The following CAPS2 variants were observed in gnomAD, a reference collection of about 807,000 sequenced individuals.
CAPS2 encodes the protein calcyphosin-2.
CAPS2 carries 98 observed loss-of-function variants against 86.5 expected under a neutral mutation model. The ratio of observed to expected loss-of-function variants is 1.13; its 90% CI spans 0.96 to 1.34. CAPS2 has a LOEUF of 1.34. CAPS2 is among the 40% of genes most tolerant of loss of function. CAPS2 has a pLI of 0.00. For missense variants in CAPS2, 729 were observed against 686.8 expected (o/e 1.06, Z -0.69); for synonymous variants, 210 against 225.1 (o/e 0.93, Z 0.60).
chr12:75,355,637 CA>C (rs1450004544), intron 1 of CAPS2, among the ~76,000 whole-genome samples: 1 of 152,060 alleles, frequency 6.6e-6, no homozygotes, highest in Non-Finnish European at 1.5e-5. Context: ...GGTATATACC[CA>C]AAAAATATAA....
chr12:75,335,149 AG>A (rs2041637323), intron 1 of CAPS2, among the ~76,000 whole-genome samples: 1 of 152,134 alleles, frequency 6.6e-6, no homozygotes, highest in Admixed American at 6.5e-5. Context: ...AGTGTTTGGA[AG>A]TTGCTTTGTT....
exon 17 of CAPS2, chr12:75,277,236 A>C (rs1380192510): frequency 1.0e-6 from 1 of 968,468 alleles, no homozygotes; most frequent in Non-Finnish European, 1.2e-6. Flanking sequence ...ACAGTATAAC[A>C]GACTATACAT....
chr12:75,341,304 A>C (rs1380101897), intron 1 of CAPS2, among the ~76,000 whole-genome samples: 1 of 152,226 alleles, frequency 6.6e-6, no homozygotes, highest in Non-Finnish European at 1.5e-5. Flanking sequence ...ATACCATGGA[A>C]TATGACTTGG....
upstream of CAPS2, chr12:75,326,594 T>A (rs2040809499): frequency 1.4e-6 from 1 of 734,084 alleles, no homozygotes; most frequent in Admixed American, 2.3e-5. Context: ...GTCATACAAA[T>A]TACCTAACAA....
intron 1 of CAPS2, among the ~76,000 whole-genome samples, chr12:75,371,723 A>G (rs1306607253): frequency 6.6e-6 from 1 of 152,240 alleles, no homozygotes; most frequent in African/African-American, 2.4e-5. Flanking sequence ...CTTATGTCAC[A>G]TGATAAAGGA....
At chr12:75,313,480 C>T (rs893500850) in intron 6 of CAPS2, among the ~76,000 whole-genome samples, 1 of 152,180 alleles carries the variant, frequency 6.6e-6, no homozygotes, top group African/African-American at 2.4e-5. Context: ...AAACTTTTCT[C>T]AATTACTAGC....
At chr12:75,341,620 G>A (rs573880790) in intron 1 of CAPS2, among the ~76,000 whole-genome samples, 3 of 151,392 alleles carry the variant, frequency 2.0e-5, no homozygotes, top group Non-Finnish European at 4.4e-5. Context: ...AGAATTTTTT[G>A]TATTTTTAGT....
chr12:75,368,035 T>C (rs1271704011), intron 1 of CAPS2, among the ~76,000 whole-genome samples: 1 of 152,142 alleles, frequency 6.6e-6, no homozygotes, highest in Non-Finnish European at 1.5e-5. Flanking sequence ...CTGCATCTCT[T>C]GAAATAATGC....
chr12:75,344,739 T>C (rs2042338633), intron 1 of CAPS2, among the ~76,000 whole-genome samples: 1 of 152,180 alleles, frequency 6.6e-6, no homozygotes, highest in Non-Finnish European at 1.5e-5. Context: ...ACTATAAATA[T>C]TCTTGAGCTG....
chr12:75,293,936 T>TA (rs2036447558), intron 11 of CAPS2, among the ~76,000 whole-genome samples: 1 of 152,074 alleles, frequency 6.6e-6, no homozygotes, highest in East Asian at 1.9e-4. Flanking sequence ...CCAAATATAA[T>TA]TTTTATTTTT....
At chr12:75,360,486 G>T (rs2043500394) in intron 1 of CAPS2, 2 of 152,144 alleles carry the variant, frequency 1.3e-5, no homozygotes, top group African/African-American at 4.8e-5. Flanking sequence ...GGGGCTATAG[G>T]CCCTGCACAA....
At chr12:75,317,313 A>C (rs2039872046) in intron 5 of CAPS2, among the ~76,000 whole-genome samples, 1 of 152,150 alleles carries the variant, frequency 6.6e-6, no homozygotes, top group Non-Finnish European at 1.5e-5. Context: ...AAATCAATTT[A>C]TGAAGATACT....
intron 1 of CAPS2, chr12:75,370,055 C>A (rs764872848): frequency 4.5e-5 from 63 of 1,407,206 alleles, no homozygotes; most frequent in Non-Finnish European, 6.2e-5. Context: ...GAACTCTTAA[C>A]TATTCTGGTT....
chr12:75,377,749 C>A (rs994439359), intron 1 of CAPS2, among the ~76,000 whole-genome samples: 9 of 151,922 alleles, frequency 5.9e-5, no homozygotes, highest in Non-Finnish European at 1.2e-4. Flanking sequence ...AAATGTTAAT[C>A]TCCTTTAGCA....
intron 11 of CAPS2, among the ~76,000 whole-genome samples, chr12:75,294,057 G>A (rs755878623): frequency 1.4e-4 from 22 of 152,124 alleles, no homozygotes; most frequent in South Asian, 4.2e-4. Flanking sequence ...CTCAGTCTCC[G>A]AAGTAGCTGA....
At chr12:75,387,658 C>T (rs745563520) in intron 1 of CAPS2, among the ~76,000 whole-genome samples, 20 of 152,158 alleles carry the variant, frequency 1.3e-4, no homozygotes, top group Non-Finnish European at 2.2e-4. Context: ...TCTGGTGTGG[C>T]CCTTCTTGCT....
upstream of CAPS2, chr12:75,329,894 C>A: frequency 1.9e-6 from 3 of 1,542,556 alleles, no homozygotes; most frequent in Non-Finnish European, 2.6e-6. Context: ...ACAGGACAGG[C>A]GAGGGGCACA....
intron 1 of CAPS2, among the ~76,000 whole-genome samples, chr12:75,350,749 G>A (rs147273824): frequency 2.6e-5 from 4 of 152,286 alleles, no homozygotes; most frequent in Non-Finnish European, 4.4e-5. Context: ...AAGAATCAAC[G>A]CAAAAATGCT....
intron 8 of CAPS2, among the ~76,000 whole-genome samples, chr12:75,300,188 C>T (rs554134966): frequency 2.2e-4 from 34 of 152,208 alleles, no homozygotes; most frequent in African/African-American, 7.5e-4. Context: ...ACAACATTTG[C>T]GACTGGCACT....
Sources: gnomAD v4.1 joint callset for allele counts (sites outside exome capture counted in the v4.1 genomes callset) on GRCh38, gnomAD v4.1.1 for gene constraint, MANE v1.5 for transcripts, NCBI Gene and HGNC (gene_info 2026-07-23, HGNC 2026-07-21) for gene names.